The following ZNF462 variants were observed in gnomAD, a reference collection of about 807,000 sequenced individuals.
The protein encoded by ZNF462 is zinc finger PBX1-interacting protein.
A neutral mutation model predicts 201.9 loss-of-function variants in ZNF462; 10 were observed. The ratio of observed to expected loss-of-function variants is 0.05; its 90% CI spans 0.03 to 0.08. The LOEUF (loss-of-function observed/expected upper bound fraction) is 0.08. Ranked by LOEUF, ZNF462 falls within the 10% of genes least tolerant of loss-of-function variation. The pLI is 1.00. For synonymous variants in ZNF462, 1,227 were observed against 1,193.3 expected (o/e 1.03, Z -0.58); for missense variants, 2,523 against 3,168.3 (o/e 0.80, Z 4.89).
At position 106,893,685 on chromosome 9, in the gene ZNF462, A is replaced by G. The variant is rs544771636; in HGVS notation, c.-30-29669A>G. Among the ~76,000 whole-genome samples, 143 of 152,252 alleles carry G rather than the reference A, an allele frequency of 9.4e-4. 2 individuals are homozygous for G. The highest frequency in any genetic ancestry group is 3.3e-3 in the African/African-American group (139 of 41,552). ...GTACTCAGGAGACGGCAGGAACTAT[A>G]TTTTCTAAGAGTCAGATTCCCTGCT... On this transcript the variant is annotated intron_variant, in intron 1 of 12. Transcript: ENST00000277225.
At position 107,009,786 on chromosome 9, in the gene ZNF462, C is replaced by A; in HGVS notation, c.7313+118C>A. 1 of 1,430,124 alleles carries A rather than the reference C, an allele frequency of 7.0e-7. No homozygotes were observed. Among genetic ancestry groups the A allele is most frequent in the South Asian group, 1.4e-5 (1 of 71,342 alleles). 88.6% of individuals were successfully genotyped at this position (1,430,124 alleles called of 1,614,324 possible). Reference sequence around the variant, plus strand: ...CACCCCTCTGTGTCACATTTCTGGGCCGTGGGAGGAGAGGCAATGGTGAGG... The same window carrying A: ...CACCCCTCTGTGTCACATTTCTGGGACGTGGGAGGAGAGGCAATGGTGAGG... On this transcript the variant is annotated intron_variant, in intron 12 of 12. Transcript: ENST00000277225. The surrounding 1 kb of genome is among the most constrained non-coding windows in gnomAD (Gnocchi z 6.1).
At position 107,013,401 on chromosome 9, in the gene ZNF462, A is replaced by AT. The variant is rs921291811; in HGVS notation, c.*2378dup. ...TTGTTGTTTAATTTATACAGAGGAC[A>AT]TTTTTTTCAGAGCTTGAGAGAAGAA... On this transcript the variant is annotated 3_prime_UTR_variant, in exon 13 of 13. Coordinates refer to ENST00000277225, the MANE Select transcript of ZNF462 (RefSeq NM_021224.6). 1.3e-5 allele frequency: 2 copies of AT among 152,136 alleles called. No individual in the cohort carries two copies. Among genetic ancestry groups the AT allele is most frequent in the East Asian group, 1.9e-4 (1 of 5,190 alleles). The allele number at this position is 152,136 out of a possible 1,614,324, so 9.4% of individuals were successfully genotyped here.
At position 106,969,367 on chromosome 9, in the gene ZNF462, T is replaced by C. The variant is rs138755230; in HGVS notation, c.6428-2638T>C. The stretch of plus-strand genomic sequence containing the variant: ...TTTTATTTCTTCAGGTTTTCCATAC[T>C]GTATAAATACCAGAGTTAAAATATA... On this transcript the variant is annotated intron_variant, in intron 7 of 12. Transcript: ENST00000277225. 1.3e-3 allele frequency among the ~76,000 whole-genome samples: 196 copies of C among 152,348 alleles called. 1 individual carries two copies. The highest frequency in any genetic ancestry group is 4.5e-3 in the African/African-American group (187 of 41,588).
Position 107,012,186 on chromosome 9 carries a change from G to A in ZNF462, c.*1156G>A, listed in dbSNP as rs556484795. On this transcript the variant is annotated 3_prime_UTR_variant, in exon 13 of 13. Transcript: ENST00000277225. ...GCTATGCAGCTTGTGGGCCAGACGA[G>A]GAGGTCCTCCTCACCCTTTTGTTGC... 5 of 148,748 alleles carry A rather than the reference G, an allele frequency of 3.4e-5. No individual in the cohort carries two copies. The highest frequency in any genetic ancestry group is 1.2e-4 in the African/African-American group (5 of 40,568). The allele number at this position is 148,748 out of a possible 1,614,324, so 9.2% of individuals were successfully genotyped here. A position where few individuals can be genotyped will look rare whatever the true frequency, so the allele number is the denominator to read the frequency against.
In ZNF462 at chr9:106,917,367, G is replaced by A. The variant is rs1414299890; in HGVS notation, c.-30-5987G>A. Reference sequence around the variant, plus strand: ...TGAAGGCTAGCATCCTTGGCCAGTAGGTGATTGGGTTATTAATCTGCAAAT... The same window carrying A: ...TGAAGGCTAGCATCCTTGGCCAGTAAGTGATTGGGTTATTAATCTGCAAAT... On this transcript the variant is annotated intron_variant, in intron 1 of 12. Coordinates refer to ENST00000277225, the MANE Select transcript of ZNF462 (RefSeq NM_021224.6). This position sits in a 1 kb window ranked among gnomAD's most constrained non-coding sequence, Gnocchi z 4.5. Among the ~76,000 whole-genome samples, 1 of 152,188 alleles carries A rather than the reference G, an allele frequency of 6.6e-6. No homozygotes were observed. The highest frequency in any genetic ancestry group is 2.4e-5 in the African/African-American group (1 of 41,450).
At chr9:106,948,305 T>C (rs1334503103) in intron 7 of ZNF462, among the ~76,000 whole-genome samples, 3 of 152,268 alleles carry the variant, frequency 2.0e-5, no homozygotes, top group Non-Finnish European at 4.4e-5. Context: ...AGAAACAGAC[T>C]CAATGGGGAA....
chr9:106,922,665 A>T (rs1233365312), intron 1 of ZNF462, among the ~76,000 whole-genome samples: 1 of 152,184 alleles, frequency 6.6e-6, no homozygotes, highest in Non-Finnish European at 1.5e-5. Context: ...ACCTAATTAG[A>T]TTGAAGAAGC....
chr9:106,926,419 T>C lies in ZNF462; in HGVS notation c.2507T>C (p.Phe836Ser). 1 of 1,614,174 alleles carries C rather than the reference T, an allele frequency of 6.2e-7. No homozygotes were observed. Among genetic ancestry groups the C allele is most frequent in the South Asian group, 1.1e-5 (1 of 91,078 alleles). The change falls in exon 3 of 13, where the codon TTT (phenylalanine) becomes TCT (serine). Residue 836 changes from phenylalanine to serine, a missense_variant. Transcript: ENST00000277225. The surrounding 1 kb of genome is among the most constrained non-coding windows in gnomAD (Gnocchi z 7.9). ...GAGCACAATAGTGAAAACACAGACT[T>C]TGGTGACTCTGGAAGGCTTTACTAT... The part of the protein sequence containing the change: ...GTEHNSENTD[F>S]GDSGRLYYCK...
chr9:106,873,301 A>G (rs1190193225), intron 1 of ZNF462, among the ~76,000 whole-genome samples: 1 of 152,160 alleles, frequency 6.6e-6, no homozygotes, highest in African/African-American at 2.4e-5. Context: ...GATGATAGGG[A>G]AAAAAAGCAA....
At position 106,981,758 on chromosome 9, in the gene ZNF462, AG is replaced by A. The variant is rs1468366490; in HGVS notation, c.6833-2427del. 8.5e-5 allele frequency among the ~76,000 whole-genome samples: 13 copies of A among 152,244 alleles called. No homozygotes were observed. The highest frequency in any genetic ancestry group is 2.9e-4 in the African/African-American group (12 of 41,470). Reference sequence around the variant, plus strand: ...GAATTGAAAAGGAGGCTCATAAAAAAGTTTGAAAGAACTGATTATTAATTGT... The same window carrying A: ...GAATTGAAAAGGAGGCTCATAAAAAATTTGAAAGAACTGATTATTAATTGT... On this transcript the variant is annotated intron_variant, in intron 9 of 12. Coordinates refer to ENST00000277225, the MANE Select transcript of ZNF462 (RefSeq NM_021224.6). This position sits in a 1 kb window ranked among gnomAD's most constrained non-coding sequence, Gnocchi z 4.0.
intron 10 of ZNF462, among the ~76,000 whole-genome samples, chr9:106,989,035 C>G (rs1266464142): frequency 6.6e-6 from 1 of 152,074 alleles, no homozygotes; most frequent in African/African-American, 2.4e-5. Flanking sequence ...TTATTTCTTT[C>G]TCTTCTCTGA....
At chr9:106,861,227 GGAATATA>G (rs1172586231), upstream of ZNF462, among the ~76,000 whole-genome samples, 1 of 152,064 alleles carries the variant, frequency 6.6e-6, no homozygotes, top group Non-Finnish European at 1.5e-5. Flanking sequence ...ATTCTGCTCA[GGAATATA>G]GGGTCGGGAA....
At chr9:106,996,564 GTGA>G (rs1193632003) in intron 10 of ZNF462, among the ~76,000 whole-genome samples, 1 of 152,120 alleles carries the variant, frequency 6.6e-6, no homozygotes, top group African/African-American at 2.4e-5. Context: ...CTGATGGCCA[GTGA>G]TGATGAGCAT....
intron 1 of ZNF462, among the ~76,000 whole-genome samples, chr9:106,892,837 C>T (rs1828647250): frequency 6.6e-6 from 1 of 152,164 alleles, no homozygotes; most frequent in Non-Finnish European, 1.5e-5. Flanking sequence ...TGCAGAGAGC[C>T]TTTCACCCTT....
At position 106,925,208 on chromosome 9, in the gene ZNF462, T is replaced by C; in HGVS notation, c.1296T>C (p.Phe432=). The C allele has an allele frequency of 1.2e-6, 2 of 1,614,214 alleles. No individual in the cohort carries two copies. The highest frequency in any genetic ancestry group is 1.7e-6 in the Non-Finnish European group (2 of 1,180,040). ...NKLLETKGIP[F]RRFMNRFQCP... is the part of the protein sequence containing the mutation. Reference sequence around the variant, plus strand: ...TATTGGAGACCAAGGGGATTCCATTTAGAAGATTCATGAATAGGTTCCAGT... The same window carrying C: ...TATTGGAGACCAAGGGGATTCCATTCAGAAGATTCATGAATAGGTTCCAGT... The change falls in exon 3 of 13, where the codon TTT becomes TTC. Residue 432 remains phenylalanine (F), a synonymous_variant. Transcript: ENST00000277225. This position sits in a 1 kb window ranked among gnomAD's most constrained non-coding sequence, Gnocchi z 7.9.
At chr9:106,864,562 C>CG (rs1827245974) in intron 1 of ZNF462, among the ~76,000 whole-genome samples, 1 of 152,136 alleles carries the variant, frequency 6.6e-6, no homozygotes, top group Admixed American at 6.5e-5. Flanking sequence ...CTCCTTCTCA[C>CG]GTTCATTCTC....
Position 106,974,142 on chromosome 9 carries a change from C to G in ZNF462, c.6701C>G (p.Ala2234Gly). 2 of 1,614,126 alleles carry G rather than the reference C, an allele frequency of 1.2e-6. No homozygotes were observed. Among genetic ancestry groups the G allele is most frequent in the Non-Finnish European group, 1.7e-6 (2 of 1,180,020 alleles). The change falls in exon 9 of 13, where the codon GCT becomes GGT. Residue 2234 changes from alanine to glycine, a missense_variant. Ala to Gly is a moderately conservative substitution (Grantham distance 60). This residue lies in a region of ZNF462 where 228 missense variants were observed against 361.2 expected (regional missense o/e 0.63). Transcript: ENST00000277225. The surrounding 1 kb of genome is among the most constrained non-coding windows in gnomAD (Gnocchi z 4.0). Reference sequence around the variant, plus strand: ...CCTCCCAAACTCTCTCCTAGATCTGCTTTTACTATGCACGTGGAAGCTGGG... The same window carrying G: ...CCTCCCAAACTCTCTCCTAGATCTGGTTTTACTATGCACGTGGAAGCTGGG... ...DCSFYTGFKS[A>G]FTMHVEAGHS...
rs369064213 is a variant in ZNF462, at chr9:106,974,308, G to A, written c.6832+35G>A. 1.4e-4 allele frequency: 226 copies of A among 1,613,694 alleles called. No individual in the cohort carries two copies. The African/African-American group carries it at 1.9e-3, about 13-fold the overall frequency. On this transcript the variant is annotated intron_variant, in intron 9 of 12. Coordinates refer to ENST00000277225, the MANE Select transcript of ZNF462 (RefSeq NM_021224.6). The surrounding 1 kb of genome is among the most constrained non-coding windows in gnomAD (Gnocchi z 4.0). ...CTAACTTGGTTTTCTTGGATGCAGC[G>A]GGGGGCAGGCAGCAGAGATGGCCTT... is the stretch of plus-strand genomic sequence containing the variant.
chr9:106,897,614 T>C (rs139560475), intron 1 of ZNF462, among the ~76,000 whole-genome samples: 291 of 152,330 alleles, frequency 1.9e-3, no homozygotes, highest in African/African-American at 6.5e-3. Flanking sequence ...AATTATGTTT[T>C]GTAAGGGCAC....
Sources: gnomAD v4.1 joint callset for allele counts (sites outside exome capture counted in the v4.1 genomes callset) on GRCh38, gnomAD v4.1.1 for gene constraint, gnomAD v4.1.1 regional missense constraint, Gnocchi (gnomAD v3.1) non-coding constraint, MANE v1.5 for transcripts, NCBI Gene and HGNC (gene_info 2026-07-23, HGNC 2026-07-21) for gene names.